POU2AF2: variants seen among roughly 807,000 people sequenced by gnomAD.
The protein encoded by POU2AF2 is POU class 2 homeobox associating factor 2, also known as POU domain class 2-associating factor 2.
At chr11:111,274,938 C>T in the POU2AF2 span, among the ~76,000 whole-genome samples, 1 of 152,114 alleles carries the variant, frequency 6.6e-6, no homozygotes, top group South Asian at 2.1e-4. Context: ...TAGGTTCCCT[C>T]ACTGGCAAAA....
At chr11:111,247,878 C>CT in the POU2AF2 span, among the ~76,000 whole-genome samples, 68,897 of 114,952 alleles carry the variant, frequency 0.6, 21,609 homozygotes, top group South Asian at 0.71. Context: ...TATAAGTGGC[C>CT]TTTTTTTTTT....
At chr11:111,284,281 G>C in the POU2AF2 span, 1 of 1,613,828 alleles carries the variant, frequency 6.2e-7, no homozygotes, top group Non-Finnish European at 8.5e-7. Flanking sequence ...ACCGGCCTCC[G>C]GCGCTGACGC....
chr11:111,257,435 C>T, the POU2AF2 span, among the ~76,000 whole-genome samples: 916 of 151,618 alleles, frequency 6.0e-3, 10 homozygotes, highest in African/African-American at 0.019. Flanking sequence ...TCTCGGCTCA[C>T]TGCAACTGCT....
the POU2AF2 span, among the ~76,000 whole-genome samples, chr11:111,279,468 G>A: frequency 6.6e-6 from 1 of 152,180 alleles, no homozygotes; most frequent in African/African-American, 2.4e-5. Flanking sequence ...AGCCTCTGGG[G>A]AGAATCCTTC....
the POU2AF2 span, among the ~76,000 whole-genome samples, chr11:111,253,465 C>T: frequency 1.3e-5 from 2 of 152,186 alleles, no homozygotes; most frequent in African/African-American, 4.8e-5. Context: ...AGAGCAATTC[C>T]ATGGTGGAAA....
chr11:111,284,273 C>A, the POU2AF2 span: 44 of 1,613,832 alleles, frequency 2.7e-5, no homozygotes, highest in Non-Finnish European at 3.7e-5. Flanking sequence ...CGGAGACTAC[C>A]GGCCTCCGGC....
chr11:111,280,738 T>C, the POU2AF2 span, among the ~76,000 whole-genome samples: 12 of 152,274 alleles, frequency 7.9e-5, no homozygotes, highest in African/African-American at 2.6e-4. Flanking sequence ...GAAGCCGGAA[T>C]GTGCTTCCTT....
the POU2AF2 span, chr11:111,284,263 C>T: frequency 7.2e-4 from 1,155 of 1,614,150 alleles, 1 homozygote; most frequent in Admixed American, 1.5e-3. Context: ...AGGAGCCCTA[C>T]GGAGACTACC....
At chr11:111,262,832 C>T in the POU2AF2 span, among the ~76,000 whole-genome samples, 1 of 152,096 alleles carries the variant, frequency 6.6e-6, no homozygotes, top group Admixed American at 6.5e-5. Flanking sequence ...TGCAACATGA[C>T]CTTATGGGAT....
the POU2AF2 span, among the ~76,000 whole-genome samples, chr11:111,259,693 T>C: frequency 6.6e-6 from 1 of 152,178 alleles, no homozygotes; most frequent in Admixed American, 6.5e-5. Flanking sequence ...AAACGGGTTT[T>C]TTAAAAAGAA....
chr11:111,265,875 T>TAAA, the POU2AF2 span, among the ~76,000 whole-genome samples: 4 of 147,544 alleles, frequency 2.7e-5, no homozygotes, highest in African/African-American at 5.0e-5. Flanking sequence ...AGGAATAAAT[T>TAAA]AAAAAAAAAA....
chr11:111,248,536 G>A, the POU2AF2 span, among the ~76,000 whole-genome samples: 1 of 152,218 alleles, frequency 6.6e-6, no homozygotes. Flanking sequence ...ACATTCTAGT[G>A]TCAAGAGGGA....
the POU2AF2 span, among the ~76,000 whole-genome samples, chr11:111,283,592 C>A: frequency 6.6e-6 from 1 of 152,158 alleles, no homozygotes; most frequent in African/African-American, 2.4e-5. Flanking sequence ...AATTAGAAGG[C>A]AGAGTACAGC....
the POU2AF2 span, among the ~76,000 whole-genome samples, chr11:111,267,279 C>A: frequency 6.6e-6 from 1 of 152,120 alleles, no homozygotes; most frequent in Non-Finnish European, 1.5e-5. Flanking sequence ...TGAATAGAGT[C>A]CCTCTTGGTC....
the POU2AF2 span, among the ~76,000 whole-genome samples, chr11:111,251,983 T>C: frequency 6.6e-6 from 1 of 152,268 alleles, no homozygotes; most frequent in East Asian, 1.9e-4. Flanking sequence ...GTTAAACTTA[T>C]TTAGAATAGG....
the POU2AF2 span, chr11:111,285,713 G>A: frequency 1.4e-5 from 23 of 1,613,618 alleles, 1 homozygote; most frequent in Middle Eastern, 1.6e-4. Context: ...TGTGTCTGCC[G>A]ATGCCCTGCT....
chr11:111,285,956 G>A, the POU2AF2 span: 72 of 1,613,954 alleles, frequency 4.5e-5, no homozygotes, highest in Non-Finnish European at 6.1e-5. Flanking sequence ...CTCCCCAGAT[G>A]AGGAAGCAGA....
At chr11:111,270,649 A>T in the POU2AF2 span, among the ~76,000 whole-genome samples, 1 of 152,118 alleles carries the variant, frequency 6.6e-6, no homozygotes, top group South Asian at 2.1e-4. Flanking sequence ...TTTATTTGTA[A>T]ATATGTCAGT....
chr11:111,269,805 C>A, the POU2AF2 span, among the ~76,000 whole-genome samples: 2 of 152,026 alleles, frequency 1.3e-5, no homozygotes, highest in African/African-American at 2.4e-5. Flanking sequence ...ACAGAGACAG[C>A]CTGAACATTA....
Sources: allele counts gnomAD v4.1 joint callset (sites outside exome capture counted in the v4.1 genomes callset), GRCh38; gene constraint gnomAD v4.1.1; transcripts MANE v1.5; gene names NCBI Gene and HGNC (gene_info 2026-07-23, HGNC 2026-07-21).